Variants in DSCAM observed in about 807,000 individuals in gnomAD.
The protein encoded by DSCAM is cell adhesion molecule DSCAM.
A neutral mutation model predicts 217.7 loss-of-function variants in DSCAM; 47 were observed. The ratio of observed to expected loss-of-function variants is 0.22; its 90% CI spans 0.17 to 0.28. DSCAM has a LOEUF of 0.28. DSCAM is among the 10% of genes least tolerant of loss of function. The pLI, the probability that DSCAM is intolerant of heterozygous loss-of-function variation, is 1.00. For synonymous variants in DSCAM, 1,056 were observed against 1,015.3 expected, an observed-to-expected ratio of 1.04 and a Z score of -0.76; for missense variants, 2,080 against 2,618.3, an observed-to-expected ratio of 0.79 and a Z score of 4.49.
chr21:40,430,453 C>G (rs1318600455), intron 3 of DSCAM, among the ~76,000 whole-genome samples: 1 of 152,172 alleles, frequency 6.6e-6, no homozygotes, highest in Non-Finnish European at 1.5e-5. Flanking sequence ...CTGGCCTAGC[C>G]TCTCAGCTTA....
chr21:40,123,346 C>G (rs1210379797), intron 20 of DSCAM, among the ~76,000 whole-genome samples: 3 of 152,162 alleles, frequency 2.0e-5, no homozygotes, highest in Non-Finnish European at 4.4e-5. Flanking sequence ...ATTCACTCAA[C>G]AAACGCTTAG....
chr21:40,533,990 C>G (rs530231097), intron 3 of DSCAM, among the ~76,000 whole-genome samples: 1 of 152,106 alleles, frequency 6.6e-6, no homozygotes, highest in African/African-American at 2.4e-5. Context: ...TTTAAAATGG[C>G]CACATATTTT....
intron 3 of DSCAM, among the ~76,000 whole-genome samples, chr21:40,597,356 A>G (rs1368290851): frequency 6.6e-6 from 1 of 151,594 alleles, no homozygotes; most frequent in African/African-American, 2.4e-5. Flanking sequence ...CTTCAAACGA[A>G]ATGTCTCCTT....
intron 4 of DSCAM, among the ~76,000 whole-genome samples, chr21:40,355,934 C>T (rs751796112): frequency 1.3e-5 from 2 of 152,328 alleles, no homozygotes; most frequent in Non-Finnish European, 2.9e-5. Flanking sequence ...CAATGCCCTT[C>T]AGGTTCATCC....
At chr21:40,641,988 C>T (rs2089886314) in intron 3 of DSCAM, among the ~76,000 whole-genome samples, 1 of 146,038 alleles carries the variant, frequency 6.8e-6, no homozygotes, top group Non-Finnish European at 1.5e-5. Flanking sequence ...GCAGAGGTTC[C>T]AGTGAGCTGA....
At chr21:40,164,984 GC>G (rs2090578514) in intron 16 of DSCAM, among the ~76,000 whole-genome samples, 1 of 152,010 alleles carries the variant, frequency 6.6e-6, no homozygotes, top group Admixed American at 6.6e-5. Flanking sequence ...AGTCTAAATG[GC>G]TATTTTCCCA....
intron 3 of DSCAM, among the ~76,000 whole-genome samples, chr21:40,492,698 A>AAGAG (rs10672273): frequency 6.6e-6 from 1 of 151,122 alleles, no homozygotes; most frequent in Non-Finnish European, 1.5e-5. Flanking sequence ...AAAAGAAAGA[A>AAGAG]TGAGAAAATT....
intron 3 of DSCAM, among the ~76,000 whole-genome samples, chr21:40,438,021 C>T (rs1282664875): frequency 2.0e-5 from 3 of 152,144 alleles, no homozygotes; most frequent in Non-Finnish European, 4.4e-5. Context: ...CCTTCTTGCT[C>T]GCCACCAGGT....
intron 6 of DSCAM, among the ~76,000 whole-genome samples, chr21:40,342,650 T>TATATATATATATATA (rs1569074522): frequency 1.1e-4 from 5 of 45,482 alleles, no homozygotes; most frequent in African/African-American, 2.9e-4. Flanking sequence ...ATATATATAT[T>TATATATATATATATA]TTTTTTTTTT....
intron 3 of DSCAM, among the ~76,000 whole-genome samples, chr21:40,581,055 T>C (rs2076901637): frequency 6.6e-6 from 1 of 152,098 alleles, no homozygotes; most frequent in Non-Finnish European, 1.5e-5. Flanking sequence ...AAAAGACGAA[T>C]AATATAGTAT....
intron 3 of DSCAM, among the ~76,000 whole-genome samples, chr21:40,622,336 G>C (rs2089532230): frequency 6.6e-6 from 1 of 152,038 alleles, no homozygotes; most frequent in Non-Finnish European, 1.5e-5. Flanking sequence ...AGACTCTAGA[G>C]GTTATCACAT....
chr21:40,029,195 C>T (rs999295173), intron 32 of DSCAM, among the ~76,000 whole-genome samples: 1 of 135,556 alleles, frequency 7.4e-6, no homozygotes, highest in Non-Finnish European at 1.6e-5. Flanking sequence ...TGCAAACCTT[C>T]TTGGATTACT....
At chr21:40,538,351 C>T (rs2076516348) in intron 3 of DSCAM, among the ~76,000 whole-genome samples, 1 of 152,218 alleles carries the variant, frequency 6.6e-6, no homozygotes, top group Non-Finnish European at 1.5e-5. Flanking sequence ...GCCCATCACG[C>T]TGTCCTGTAG....
chr21:40,125,456 T>A (rs2146672203), intron 19 of DSCAM, among the ~76,000 whole-genome samples: 1 of 152,234 alleles, frequency 6.6e-6, no homozygotes, highest in African/African-American at 2.4e-5. Flanking sequence ...CCAATAGAAG[T>A]CCCTTGCAAG....
chr21:40,649,904 G>A (rs1227855570), intron 3 of DSCAM, among the ~76,000 whole-genome samples: 1 of 152,210 alleles, frequency 6.6e-6, no homozygotes, highest in Non-Finnish European at 1.5e-5. Flanking sequence ...GAGAGACAGA[G>A]TAGAGTTTGC....
At chr21:40,585,319 G>T (rs1259308873) in intron 3 of DSCAM, among the ~76,000 whole-genome samples, 1 of 149,482 alleles carries the variant, frequency 6.7e-6, no homozygotes, top group African/African-American at 2.5e-5. Context: ...TCTATTGAGT[G>T]TTAAAGAAAA....
intron 3 of DSCAM, among the ~76,000 whole-genome samples, chr21:40,636,203 C>A (rs2089756036): frequency 6.6e-6 from 1 of 152,004 alleles, no homozygotes; most frequent in African/African-American, 2.4e-5. Flanking sequence ...GCGCGCACAA[C>A]CAAAGGATTA....
intron 4 of DSCAM, among the ~76,000 whole-genome samples, chr21:40,357,717 G>A (rs1015850218): frequency 6.6e-5 from 10 of 152,028 alleles, no homozygotes; most frequent in African/African-American, 2.2e-4. Flanking sequence ...GTTGTGGGGT[G>A]CGGGGAGGGG....
intron 3 of DSCAM, among the ~76,000 whole-genome samples, chr21:40,575,424 G>A (rs1436991925): frequency 6.6e-6 from 1 of 151,956 alleles, no homozygotes; most frequent in African/African-American, 2.4e-5. Flanking sequence ...ATATAATTAA[G>A]ACAGTGTAGT....
Sources: allele counts gnomAD v4.1 joint callset (sites outside exome capture counted in the v4.1 genomes callset), GRCh38; gene constraint gnomAD v4.1.1; transcripts MANE v1.5; gene names NCBI Gene and HGNC (gene_info 2026-07-23, HGNC 2026-07-21).